PTCSC3: variants seen among roughly 807,000 people sequenced by gnomAD.
The protein encoded by PTCSC3 is papillary thyroid carcinoma susceptibility candidate 3, also known as papillary thyroid carcinoma susceptibility candidate 3 (non-protein coding).
chr14:36,137,788 G>A (rs1881323315), intron 3 of PTCSC3, among the ~76,000 whole-genome samples: 1 of 152,210 alleles, frequency 6.6e-6, no homozygotes, highest in African/African-American at 2.4e-5. Flanking sequence ...GGTGGGGGAA[G>A]TATGGGGAAT....
intron 1 of PTCSC3, among the ~76,000 whole-genome samples, chr14:36,162,997 C>T (rs573351636): frequency 6.6e-6 from 1 of 152,004 alleles, no homozygotes; most frequent in Admixed American, 6.5e-5. Flanking sequence ...TTTTAGCTAT[C>T]TTTACATAAT....
chr14:36,152,514 A>G (rs1169851328), intron 3 of PTCSC3, among the ~76,000 whole-genome samples: 3 of 152,172 alleles, frequency 2.0e-5, no homozygotes, highest in Non-Finnish European at 2.9e-5. Context: ...AGGTAAAGAT[A>G]TTCACAATAC....
At chr14:36,172,199 T>G (rs1566512277) in intron 1 of PTCSC3, among the ~76,000 whole-genome samples, 1 of 152,144 alleles carries the variant, frequency 6.6e-6, no homozygotes, top group Non-Finnish European at 1.5e-5. Context: ...GTTGGACATG[T>G]AAATATATTA....
rs1881829242 is a variant in PTCSC3 at position 36,156,505 on chromosome 14, T to C, written n.232-2611A>G. Among the ~76,000 whole-genome samples, 3 of 152,176 alleles carry C rather than the reference T, an allele frequency of 2.0e-5. No homozygotes were observed. The South Asian group carries it at 6.2e-4, about 32-fold the overall frequency. On this transcript the variant is annotated intron_variant and non_coding_transcript_variant, in intron 2 of 3. Coordinates refer to ENST00000556013, the Ensembl canonical transcript of PTCSC3. ...ACACGTGCAGAATGTGCAGGTTTGT[T>C]GCACCCATCCGCCCGTCATCTACAT...
At chr14:36,166,190 A>G (rs1248360420) in intron 1 of PTCSC3, among the ~76,000 whole-genome samples, 1 of 152,154 alleles carries the variant, frequency 6.6e-6, no homozygotes, top group Non-Finnish European at 1.5e-5. Flanking sequence ...ATGCTAAGTA[A>G]TATGTGAAAG....
chr14:36,168,232 G>A (rs975010673), intron 1 of PTCSC3, among the ~76,000 whole-genome samples: 1 of 151,748 alleles, frequency 6.6e-6, no homozygotes, highest in Non-Finnish European at 1.5e-5. Flanking sequence ...TCTAGAAAAT[G>A]GAATTAACTA....
chr14:36,149,132 G>A (rs188232578), intron 3 of PTCSC3, among the ~76,000 whole-genome samples: 1 of 151,992 alleles, frequency 6.6e-6, no homozygotes. Context: ...TGTAAATTCA[G>A]TATTACAAAT....
chr14:36,168,921 A>G (rs762442560), intron 1 of PTCSC3, among the ~76,000 whole-genome samples: 1 of 152,208 alleles, frequency 6.6e-6, no homozygotes, highest in African/African-American at 2.4e-5. Context: ...GTGCCTGGCT[A>G]GAAAGATTTT....
intron 3 of PTCSC3, among the ~76,000 whole-genome samples, chr14:36,147,415 A>G (rs1339856469): frequency 2.6e-5 from 4 of 151,726 alleles, no homozygotes; most frequent in Non-Finnish European, 5.9e-5. Flanking sequence ...CATTCATTTC[A>G]TCTTCCATTG....
intron 1 of PTCSC3, among the ~76,000 whole-genome samples, chr14:36,175,322 C>T (rs1882264198): frequency 6.6e-6 from 1 of 152,262 alleles, no homozygotes; most frequent in African/African-American, 2.4e-5. Context: ...TTATCCACTG[C>T]CTGAAATCGG....
downstream of PTCSC3, among the ~76,000 whole-genome samples, chr14:36,135,427 G>A (rs1263222839): frequency 2.0e-5 from 3 of 152,144 alleles, no homozygotes; most frequent in East Asian, 5.8e-4. Flanking sequence ...AGTGGCCTTA[G>A]GCAAGTCAGT....
rs115514803 is a variant in PTCSC3, at chr14:36,149,506, T to A, written n.322+4298A>T. Among the ~76,000 whole-genome samples, 546 of 152,350 alleles carry A rather than the reference T, an allele frequency of 3.6e-3. 3 individuals are homozygous for A. Among genetic ancestry groups the A allele is most frequent in the Middle Eastern group, 0.017 (5 of 294 alleles). On this transcript the variant is annotated intron_variant and non_coding_transcript_variant, in intron 3 of 3. Coordinates refer to ENST00000556013, the Ensembl canonical transcript of PTCSC3. ...TCAATTAAATCCAGTTGACTGACAG[T>A]GCTGTTCAGTTCAACTATATTCTTA... is the stretch of plus-strand genomic sequence containing the variant.
intron 3 of PTCSC3, among the ~76,000 whole-genome samples, chr14:36,142,008 C>A (rs1881433306): frequency 1.3e-5 from 2 of 152,130 alleles, no homozygotes; most frequent in South Asian, 4.2e-4. Context: ...ACCTGTATGC[C>A]TTTTGTCTTC....
At chr14:36,166,066 GCTTCT>G (rs778746273) in intron 1 of PTCSC3, among the ~76,000 whole-genome samples, 16 of 152,168 alleles carry the variant, frequency 1.1e-4, no homozygotes, top group Admixed American at 2.6e-4. Flanking sequence ...GTGCTTACAT[GCTTCT>G]CTTATCAGTC....
rs116696580 is a variant in PTCSC3 at position 36,166,212 on chromosome 14, C to T, written n.172-3529G>A. ...GTAATATGTGAAAGTATTCTAGGCA[C>T]GCTACAGCAACAGCTTGCTCACACG... On this transcript the variant is annotated intron_variant and non_coding_transcript_variant, in intron 1 of 3. Coordinates refer to ENST00000556013, the Ensembl canonical transcript of PTCSC3. Among the ~76,000 whole-genome samples, 209 of 152,268 alleles carry T rather than the reference C, an allele frequency of 1.4e-3. 2 individuals carry two copies. Among genetic ancestry groups the T allele is most frequent in the African/African-American group, 4.8e-3 (199 of 41,546 alleles).
intron 3 of PTCSC3, among the ~76,000 whole-genome samples, chr14:36,145,377 G>C (rs1475279480): frequency 6.6e-6 from 1 of 150,976 alleles, no homozygotes; most frequent in Non-Finnish European, 1.5e-5. Flanking sequence ...CTTCTTCCTG[G>C]TTTAGTCTTG....
chr14:36,152,330 C>T (rs937645061), intron 3 of PTCSC3, among the ~76,000 whole-genome samples: 3 of 152,018 alleles, frequency 2.0e-5, no homozygotes, highest in Admixed American at 2.0e-4. Flanking sequence ...TGGCACACAC[C>T]TGTAGTCCTA....
intron 1 of PTCSC3, among the ~76,000 whole-genome samples, chr14:36,166,291 C>T (rs956049366): frequency 1.3e-5 from 2 of 152,178 alleles, no homozygotes; most frequent in Admixed American, 6.5e-5. Flanking sequence ...TAATAAAATA[C>T]GCTACAGAGA....
At chr14:36,161,040 A>G (rs901912849) in intron 2 of PTCSC3, among the ~76,000 whole-genome samples, 1 of 151,984 alleles carries the variant, frequency 6.6e-6, no homozygotes, top group East Asian at 1.9e-4. Context: ...TGCTTCATGA[A>G]GTTCTCGTGC....
Sources: allele counts gnomAD v4.1 joint callset (sites outside exome capture counted in the v4.1 genomes callset), GRCh38; gene constraint gnomAD v4.1.1; transcripts MANE v1.5; gene names NCBI Gene and HGNC (gene_info 2026-07-23, HGNC 2026-07-21).